The following ZNF69 variants were observed in gnomAD, a reference collection of about 807,000 sequenced individuals.
The protein encoded by ZNF69 is zinc finger protein 69.
In ZNF69, 47 loss-of-function variants were observed where a neutral mutation model predicts 50.9. That is an observed-to-expected ratio of 0.92 (90% CI 0.73 to 1.18). The LOEUF (loss-of-function observed/expected upper bound fraction) is 1.18. Among genes scored for constraint, ZNF69 ranks in the 50% most tolerant of loss-of-function variants. The pLI is 0.00. For missense variants in ZNF69, 717 were observed against 675.1 expected (o/e 1.06, Z -0.69); for synonymous variants, 216 against 223.1 (o/e 0.97, Z 0.29).
chr19:11,958,553 G>T, the ZNF69 span, among the ~76,000 whole-genome samples: 3 of 152,244 alleles, frequency 2.0e-5, no homozygotes, highest in Admixed American at 2.0e-4. Context: ...TCTTTGGTGG[G>T]CATTGAGACC....
chr19:11,950,437 T>A, the ZNF69 span: 4 of 724,198 alleles, frequency 5.5e-6, no homozygotes, highest in East Asian at 1.0e-4. Context: ...TTCTTTTCAA[T>A]GTCATGAAAG....
chr19:11,929,565 C>A, the ZNF69 span, among the ~76,000 whole-genome samples: 4 of 148,280 alleles, frequency 2.7e-5, no homozygotes, highest in African/African-American at 1.1e-4. Flanking sequence ...TTTTATTTCC[C>A]TATACATTAG....
chr19:11,978,280 C>G, the ZNF69 span: 1 of 1,614,058 alleles, frequency 6.2e-7, no homozygotes, highest in Non-Finnish European at 8.5e-7. Context: ...ATAGGTAACT[C>G]ATCTTTTAAT....
the ZNF69 span, among the ~76,000 whole-genome samples, chr19:11,937,549 C>CAT: frequency 1.4e-5 from 2 of 147,092 alleles, no homozygotes; most frequent in African/African-American, 5.1e-5. Context: ...AGTGCAGTGG[C>CAT]GCCATCTCGG....
chr19:11,931,299 A>G, the ZNF69 span, among the ~76,000 whole-genome samples: 2 of 147,826 alleles, frequency 1.4e-5, no homozygotes, highest in Non-Finnish European at 2.9e-5. Flanking sequence ...CTGGTTTGCA[A>G]ATGATCGTCT....
downstream of ZNF69, among the ~76,000 whole-genome samples, chr19:11,910,333 T>C (rs1399311640): frequency 6.6e-6 from 1 of 152,178 alleles, no homozygotes; most frequent in African/African-American, 2.4e-5. Flanking sequence ...TTAAAGTTCA[T>C]ATGGAACCAA....
At chr19:11,946,077 G>A in the ZNF69 span, among the ~76,000 whole-genome samples, 1 of 152,172 alleles carries the variant, frequency 6.6e-6, no homozygotes, top group Non-Finnish European at 1.5e-5. Context: ...GCTCGTTAGG[G>A]GCACCTGAGC....
chr19:11,959,774 A>C, the ZNF69 span, among the ~76,000 whole-genome samples: 1 of 152,204 alleles, frequency 6.6e-6, no homozygotes, highest in African/African-American at 2.4e-5. Flanking sequence ...TTACTATGAA[A>C]TGTCGATAGA....
At chr19:11,958,328 A>G in the ZNF69 span, among the ~76,000 whole-genome samples, 26,057 of 151,840 alleles carry the variant, frequency 0.17, 4,752 homozygotes, top group African/African-American at 0.47. Flanking sequence ...GGTGGCCCCT[A>G]GGGCTTTGAG....
chr19:11,972,266 C>G, the ZNF69 span, among the ~76,000 whole-genome samples: 2 of 149,662 alleles, frequency 1.3e-5, no homozygotes, highest in African/African-American at 4.9e-5. Context: ...GCCTGGGCAA[C>G]AGAATGAGCC....
At chr19:11,924,689 A>G in the ZNF69 span, among the ~76,000 whole-genome samples, 1 of 152,204 alleles carries the variant, frequency 6.6e-6, no homozygotes, top group African/African-American at 2.4e-5. Flanking sequence ...GGCCCGCTCG[A>G]GGACATATGC....
chr19:11,946,095 C>T, the ZNF69 span, among the ~76,000 whole-genome samples: 3 of 152,184 alleles, frequency 2.0e-5, 1 homozygote, highest in Admixed American at 6.5e-5. Context: ...AGCCTGGTCC[C>T]CCTTAGTCCA....
intron 1 of ZNF69, among the ~76,000 whole-genome samples, chr19:11,900,092 T>A (rs542476277): frequency 6.6e-6 from 1 of 152,266 alleles, no homozygotes; most frequent in East Asian, 1.9e-4. Context: ...TAACTGGGAT[T>A]ACAGGTGTAC....
At chr19:11,923,072 C>G in the ZNF69 span, among the ~76,000 whole-genome samples, 1 of 152,180 alleles carries the variant, frequency 6.6e-6, no homozygotes, top group Admixed American at 6.5e-5. Flanking sequence ...CCACTTTGGC[C>G]TCCCAAAATG....
the ZNF69 span, among the ~76,000 whole-genome samples, chr19:11,937,486 TTTCC>T: frequency 8.1e-6 from 1 of 123,526 alleles, no homozygotes. Flanking sequence ...TCTTTTTTTC[TTTCC>T]TTTTTTTTTT....
exon 5 of ZNF69, chr19:11,914,170 G>A (rs182829945): frequency 1.5e-4 from 23 of 152,314 alleles, no homozygotes; most frequent in Admixed American, 9.2e-4. Context: ...ACAAAAATTA[G>A]CGGGGTGTGG....
chr19:11,927,861 T>C, the ZNF69 span, among the ~76,000 whole-genome samples: 1 of 152,222 alleles, frequency 6.6e-6, no homozygotes, highest in Non-Finnish European at 1.5e-5. Flanking sequence ...TTCTTGTTAG[T>C]GTCAAGATGG....
the ZNF69 span, chr19:11,949,010 C>T: frequency 6.2e-7 from 1 of 1,605,848 alleles, no homozygotes; most frequent in Non-Finnish European, 8.5e-7. Context: ...AGGACCCACT[C>T]TGGGAAAAAA....
At chr19:11,911,284 A>C (rs1325265822), downstream of ZNF69, among the ~76,000 whole-genome samples, 5 of 152,230 alleles carry the variant, frequency 3.3e-5, no homozygotes, top group Non-Finnish European at 5.9e-5. Flanking sequence ...AAGAATCTAG[A>C]CCTAGAAATA....
Sources: allele counts gnomAD v4.1 joint callset (sites outside exome capture counted in the v4.1 genomes callset), GRCh38; gene constraint gnomAD v4.1.1; transcripts MANE v1.5; gene names NCBI Gene and HGNC (gene_info 2026-07-23, HGNC 2026-07-21).